COL5A1: variants seen among roughly 807,000 people sequenced by gnomAD.
COL5A1 encodes the protein collagen type V alpha 1 chain.
COL5A1 carries 16 observed loss-of-function variants against 263.7 expected under a neutral mutation model. The observed-to-expected ratio is 0.06, with a 90% CI of 0.04 to 0.09. The LOEUF (loss-of-function observed/expected upper bound fraction) is 0.09. Ranked by LOEUF, COL5A1 falls within the 10% of genes least tolerant of loss-of-function variation. The probability of loss-of-function intolerance (pLI) is 1.00; values close to 1 mark genes in which losing one functional copy is unlikely to be tolerated. For synonymous variants in COL5A1, 1,012 were observed against 1,004.5 expected (o/e 1.01, Z -0.14); for missense variants, 2,036 against 2,540.5 (o/e 0.80, Z 4.27).
intron 5 of COL5A1, 35 bp from the exon 6 acceptor site, chr9:134,728,635 C>T (rs373268809): frequency 2.3e-5 from 37 of 1,613,274 alleles, no homozygotes; most frequent in Middle Eastern, 1.7e-4. Context: ...CTGCGGGCTC[C>T]GCTGCTTCCT....
Position 134,642,324 on chromosome 9 carries a change from CG to C in COL5A1, c.109+31del. The stretch of plus-strand genomic sequence containing the variant: ...AAGGGCGCCCCGGGGCGCGGGGCTG[CG>C]GGATGGGGCGCGCGCAGCCCGGGCG... On this transcript the variant is annotated intron_variant, in intron 1 of 65. Coordinates refer to ENST00000371817, the MANE Select transcript of COL5A1 (RefSeq NM_000093.5). The surrounding 1 kb of genome is among the most constrained non-coding windows in gnomAD (Gnocchi z 4.5). 1.6e-6 allele frequency: 1 copy of C among 644,250 alleles called. No homozygotes were observed. Among genetic ancestry groups the C allele is most frequent in the East Asian group, 5.2e-5 (1 of 19,290 alleles). The allele number at this position is 644,250 out of a possible 1,614,324, so 39.9% of individuals were successfully genotyped here.
intron 1 of COL5A1, among the ~76,000 whole-genome samples, chr9:134,654,090 G>T (rs1310977427): frequency 7.0e-6 from 1 of 141,896 alleles, no homozygotes; most frequent in Non-Finnish European, 1.5e-5. Flanking sequence ...AGGGCTGGGG[G>T]TGTGTAGGAC....
chr9:134,754,196 G>A lies in COL5A1; in HGVS notation c.1774-77G>A, dbSNP rs1228138613. 1.6e-5 allele frequency: 24 copies of A among 1,503,740 alleles called. No homozygotes were observed. Among genetic ancestry groups the A allele is most frequent in the Non-Finnish European group, 2.0e-5 (22 of 1,089,202 alleles). The allele number at this position is 1,503,740 out of a possible 1,614,324, so 93.1% of individuals were successfully genotyped here. On this transcript the variant is annotated intron_variant, in intron 15 of 65. Coordinates refer to ENST00000371817, the MANE Select transcript of COL5A1 (RefSeq NM_000093.5). The surrounding 1 kb of genome is among the most constrained non-coding windows in gnomAD (Gnocchi z 4.3). ...AGCCAGGCATGGGCAGGGTCGATGA[G>A]CACAGGGACAAGGCTTTGCTCTTTC... is the stretch of plus-strand genomic sequence containing the variant.
At chr9:134,711,462 C>T (rs1418042068) in intron 4 of COL5A1, among the ~76,000 whole-genome samples, 4 of 152,128 alleles carry the variant, frequency 2.6e-5, no homozygotes, top group Admixed American at 1.3e-4. Context: ...TTTGAAGATC[C>T]AGCAGTTGGG....
At chr9:134,823,173 G>T in intron 60 of COL5A1, 140 bp downstream of exon 60, 1 of 1,142,106 alleles carries the variant, frequency 8.8e-7, no homozygotes. Context: ...TTTCTACACT[G>T]ACCCATGGCG....
chr9:134,720,676 C>T (rs1834419111), intron 4 of COL5A1, among the ~76,000 whole-genome samples: 1 of 152,144 alleles, frequency 6.6e-6, no homozygotes, highest in South Asian at 2.1e-4. Context: ...TTGGTCCACA[C>T]AGCCTGGAGG....
At chr9:134,689,769 C>T (rs563586716) in intron 1 of COL5A1, among the ~76,000 whole-genome samples, 3 of 152,228 alleles carry the variant, frequency 2.0e-5, no homozygotes, top group African/African-American at 7.2e-5. Context: ...CACGGCCAAC[C>T]CCGTCCACAT....
chr9:134,688,402 G>T (rs1482523479), intron 1 of COL5A1, among the ~76,000 whole-genome samples: 4 of 152,242 alleles, frequency 2.6e-5, no homozygotes, highest in Non-Finnish European at 5.9e-5. Context: ...TCTTCAGCAG[G>T]TGGACCGGCA....
intron 60 of COL5A1, 103 bp from the exon 61 acceptor site, chr9:134,823,313 C>T (rs1213160505): frequency 1.5e-6 from 2 of 1,305,612 alleles, no homozygotes; most frequent in African/African-American, 2.9e-5. Context: ...GATAGGGCCA[C>T]CTCCCCCACA....
At chr9:134,658,267 G>A (rs914783489) in intron 1 of COL5A1, among the ~76,000 whole-genome samples, 11 of 152,100 alleles carry the variant, frequency 7.2e-5, no homozygotes, top group African/African-American at 2.2e-4. Flanking sequence ...TCTGGACCCC[G>A]GCCTCCGCAG....
At chr9:134,830,073 T>A (rs376872644) in intron 64 of COL5A1, 29 bp downstream of exon 64, 40 of 1,613,662 alleles carry the variant, frequency 2.5e-5, no homozygotes, top group Non-Finnish European at 3.1e-5. Flanking sequence ...TCTTTGCGGT[T>A]GTCACTTTAA....
rs1266538902 is a variant in COL5A1, at chr9:134,811,619, C to T, written c.3690+20C>T. 3 of 1,528,936 alleles carry T rather than the reference C, an allele frequency of 2.0e-6. No homozygotes were observed. The highest frequency in any genetic ancestry group is 1.2e-5 in the South Asian group (1 of 84,090). 94.7% of individuals were successfully genotyped at this position (1,528,936 alleles called of 1,614,324 possible). A position where few individuals can be genotyped will look rare whatever the true frequency, so the allele number is the denominator to read the frequency against. On this transcript the variant is annotated intron_variant, in intron 46 of 65. Coordinates refer to ENST00000371817, the MANE Select transcript of COL5A1 (RefSeq NM_000093.5). ...CTGCAGGTAACTGTGGGGTTCTCACCACACCGGGCTCCTCCGCTTCTGACG... is the reference window on the plus strand; with the variant it reads ...CTGCAGGTAACTGTGGGGTTCTCACTACACCGGGCTCCTCCGCTTCTGACG...
chr9:134,800,749 C>CAAAA (rs397951217), intron 37 of COL5A1, among the ~76,000 whole-genome samples: 1,080 of 79,410 alleles, frequency 0.014, 21 homozygotes, highest in African/African-American at 0.017. Flanking sequence ...CTGTCTCAAA[C>CAAAA]AAAAAAAAAA....
chr9:134,662,333 C>T lies in COL5A1; in HGVS notation c.109+20037C>T, dbSNP rs557678488. On this transcript the variant is annotated intron_variant, in intron 1 of 65. Coordinates refer to ENST00000371817, the MANE Select transcript of COL5A1 (RefSeq NM_000093.5). The stretch of plus-strand genomic sequence containing the variant: ...TCCCTGGGATATGTCAAGCTGAGGG[C>T]TTCGCACATTCTTCTCTGACAACTC... Among the ~76,000 whole-genome samples the T allele has an allele frequency of 4.6e-5, 7 of 152,336 alleles. No homozygotes were observed. In the East Asian group the frequency reaches 1.4e-3, roughly 29 times the overall value.
At chr9:134,810,213 G>A in intron 43 of COL5A1, 42 bp from the exon 44 acceptor site, 1 of 1,608,094 alleles carries the variant, frequency 6.2e-7, no homozygotes, top group South Asian at 1.1e-5. Flanking sequence ...GGTCCAAACG[G>A]TTGTCAAGCT....
chr9:134,824,639 G>A lies in COL5A1; in HGVS notation c.4738G>A (p.Ala1580Thr), dbSNP rs773419510. 1.2e-6 allele frequency: 2 copies of A among 1,614,064 alleles called. No individual in the cohort carries two copies. The highest frequency in any genetic ancestry group is 2.7e-5 in the African/African-American group (2 of 74,948). Residue 1580 changes from alanine (A) to threonine (T), a missense_variant, in exon 62 of 66, where the codon GCA becomes ACA. By Grantham distance (58) the Ala-to-Thr change is moderately conservative. This residue lies in a region of COL5A1 where 358 missense variants were observed against 384.6 expected (regional missense o/e 0.93). Transcript: ENST00000371817. ...GEVIQPLPIQ[A>T]SRTRRNIDAS... ...GGTCATCCAGCCCCTGCCAATCCAG[G>A]CATCCAGGACGCGGCGGAACATCGA...
At chr9:134,822,073 C>T (rs377132455) in intron 58 of COL5A1, 24 bp from the exon 59 acceptor site, 2 of 1,611,760 alleles carry the variant, frequency 1.2e-6, no homozygotes, top group East Asian at 2.2e-5. Flanking sequence ...AAGGTGATAA[C>T]CTGCATTTTC....
At chr9:134,717,949 C>T (rs1266492445) in intron 4 of COL5A1, among the ~76,000 whole-genome samples, 1 of 152,052 alleles carries the variant, frequency 6.6e-6, no homozygotes, top group Non-Finnish European at 1.5e-5. Flanking sequence ...GATTAAATGG[C>T]AGAGGAGGCA....
At chr9:134,738,426 C>T (rs762061167) in intron 9 of COL5A1, 48 bp from the exon 10 acceptor site, 48 of 1,611,154 alleles carry the variant, frequency 3.0e-5, no homozygotes, top group Non-Finnish European at 3.5e-5. Flanking sequence ...TCTGGGGTGT[C>T]GGGAGGGATG....
Sources: allele counts gnomAD v4.1 joint callset (sites outside exome capture counted in the v4.1 genomes callset), GRCh38; gene constraint gnomAD v4.1.1; regional missense constraint gnomAD v4.1.1; non-coding constraint Gnocchi (gnomAD v3.1); transcripts MANE v1.5; gene names NCBI Gene and HGNC (gene_info 2026-07-23, HGNC 2026-07-21).